ATRN: variants seen among roughly 807,000 people sequenced by gnomAD.
The protein encoded by ATRN is attractin-2.
In ATRN, 54 loss-of-function variants were observed where a neutral mutation model predicts 178.7. The observed-to-expected ratio is 0.30, with a 90% confidence interval of 0.24 to 0.38. The LOEUF is 0.38. ATRN is among the 10% of genes least tolerant of loss of function. The pLI is 1.00. For synonymous variants in ATRN, 636 were observed against 663.0 expected, an observed-to-expected ratio of 0.96 and a Z score of 0.63; for missense variants, 1,443 against 1,815.1, an observed-to-expected ratio of 0.79 and a Z score of 3.73.
At chr20:3,631,690 G>A (rs1401418996) in intron 25 of ATRN, among the ~76,000 whole-genome samples, 1 of 152,192 alleles carries the variant, frequency 6.6e-6, no homozygotes, top group Admixed American at 6.5e-5. Context: ...GGCACAGACT[G>A]TATTACGGGT....
At chr20:3,606,104 C>T (rs775204331) in intron 24 of ATRN, among the ~76,000 whole-genome samples, 21 of 152,154 alleles carry the variant, frequency 1.4e-4, no homozygotes, top group Non-Finnish European at 2.6e-4. Flanking sequence ...TCTCCCTTTG[C>T]CCTCGCATAC....
intron 9 of ATRN, 143 bp from the exon 10 acceptor site, chr20:3,563,066 C>T: frequency 2.9e-6 from 2 of 689,304 alleles, no homozygotes; most frequent in Non-Finnish European, 4.4e-6. Context: ...TGTTGAAAAA[C>T]TTACTTTTAT....
chr20:3,479,110 G>A (rs947335666), intron 1 of ATRN, among the ~76,000 whole-genome samples: 10 of 151,814 alleles, frequency 6.6e-5, no homozygotes, highest in African/African-American at 1.5e-4. Flanking sequence ...AGGCCAATCT[G>A]GAACTCCTGT....
Position 3,507,350 on chromosome 20 carries a change from GGT to G in ATRN, c.411-27901_411-27900del, listed in dbSNP as rs770530679. On this transcript the variant is annotated intron_variant, in intron 1 of 28. Transcript: ENST00000262919. ...TTTAAACCCGGGAGGCGGAGGATGC[GGT>G]GAACCGAGATCGCGCCACTGCACTC... Among the ~76,000 whole-genome samples the G allele has an allele frequency of 2.2e-3, 329 of 151,412 alleles. 4 individuals are homozygous for G. Among genetic ancestry groups the G allele is most frequent in the Non-Finnish European group, 2.4e-3 (161 of 67,860 alleles).
At chr20:3,506,697 T>C (rs544114914) in intron 1 of ATRN, among the ~76,000 whole-genome samples, 1 of 150,860 alleles carries the variant, frequency 6.6e-6, no homozygotes, top group South Asian at 2.1e-4. Context: ...GAAAAGGCCA[T>C]TAGTGGACAC....
intron 1 of ATRN, among the ~76,000 whole-genome samples, chr20:3,531,485 A>G (rs1374815639): frequency 6.6e-6 from 1 of 152,202 alleles, no homozygotes; most frequent in Non-Finnish European, 1.5e-5. Context: ...TCAACTGAAA[A>G]CAAAATGAAC....
intron 1 of ATRN, among the ~76,000 whole-genome samples, chr20:3,489,153 GTT>G (rs1446649637): frequency 6.6e-6 from 1 of 152,128 alleles, no homozygotes; most frequent in Non-Finnish European, 1.5e-5. Flanking sequence ...TAGAGATGGG[GTT>G]TCACCATGTT....
intron 25 of ATRN, among the ~76,000 whole-genome samples, chr20:3,630,155 A>G (rs1283538313): frequency 1.3e-5 from 2 of 152,128 alleles, no homozygotes; most frequent in East Asian, 3.8e-4. Flanking sequence ...TCATTAGCAC[A>G]CAAAAGACAC....
intron 22 of ATRN, 142 bp downstream of exon 22, chr20:3,598,142 G>C (rs1167000259): frequency 3.5e-6 from 2 of 578,472 alleles, no homozygotes; most frequent in Non-Finnish European, 6.2e-6. Context: ...GGAAAGAAAT[G>C]TTAGACTCTA....
chr20:3,624,060 G>T (rs554957276), intron 24 of ATRN, among the ~76,000 whole-genome samples: 1 of 152,314 alleles, frequency 6.6e-6, no homozygotes, highest in Admixed American at 6.5e-5. Flanking sequence ...TTTGTAAAAA[G>T]GACAATATCT....
At chr20:3,558,674 A>T (rs534764746) in intron 6 of ATRN, among the ~76,000 whole-genome samples, 9 of 150,112 alleles carry the variant, frequency 6.0e-5, no homozygotes, top group Middle Eastern at 4.2e-3. Flanking sequence ...GGCATCTTTT[A>T]AAAAAAACTT....
At chr20:3,508,388 T>A (rs974080173) in intron 1 of ATRN, among the ~76,000 whole-genome samples, 1 of 152,164 alleles carries the variant, frequency 6.6e-6, no homozygotes, top group African/African-American at 2.4e-5. Context: ...CTTAGACTCC[T>A]GGGCCATGTA....
At position 3,477,195 on chromosome 20, in the gene ATRN, G is replaced by A. The variant is rs1190570942; in HGVS notation, c.410+5678G>A. Among the ~76,000 whole-genome samples, 2 of 104,572 alleles carry A rather than the reference G, an allele frequency of 1.9e-5. 1 individual carries two copies. Among genetic ancestry groups the A allele is most frequent in the African/African-American group, 9.1e-5 (2 of 22,018 alleles). 68.6% of individuals were successfully genotyped at this position (104,572 alleles called of 152,430 possible). A position where few individuals can be genotyped will look rare whatever the true frequency, so the allele number is the denominator to read the frequency against. ...AGTTCCATGAGGGCAGGGGCCCAGA[G>A]CATAGTTCACAAGTCCAGTTTAGGC... On this transcript the variant is annotated intron_variant, in intron 1 of 28. Transcript: ENST00000262919.
At chr20:3,561,938 G>A (rs1186922572) in intron 8 of ATRN, among the ~76,000 whole-genome samples, 1 of 152,080 alleles carries the variant, frequency 6.6e-6, no homozygotes, top group Non-Finnish European at 1.5e-5. Flanking sequence ...TGTTGCCCAG[G>A]CTGGCCAACA....
chr20:3,544,940 C>T (rs187238961), intron 3 of ATRN, among the ~76,000 whole-genome samples: 5 of 151,410 alleles, frequency 3.3e-5, no homozygotes, highest in East Asian at 1.9e-4. Context: ...ATAGAAAATG[C>T]GTTAAGTTTT....
rs910405820 is a variant in ATRN, at chr20:3,638,208, C to T, written c.3943-620C>T. The stretch of plus-strand genomic sequence containing the variant: ...GTATACATGTGCCGTGGTGGTTTGC[C>T]GCACCTATCAGCCTGTTATCTAGGT... On this transcript the variant is annotated intron_variant, in intron 26 of 28. Transcript: ENST00000262919. This position sits in a 1 kb window ranked among gnomAD's most constrained non-coding sequence, Gnocchi z 4.5. Among the ~76,000 whole-genome samples the T allele has an allele frequency of 1.3e-5, 2 of 152,010 alleles. No individual in the cohort carries two copies. The highest frequency in any genetic ancestry group is 2.9e-5 in the Non-Finnish European group (2 of 68,004).
rs763072583 is a variant in ATRN at position 3,549,321 on chromosome 20, T to C, written c.1095T>C (p.Asp365=). The C allele has an allele frequency of 1.3e-5, 20 of 1,591,744 alleles. No homozygotes were observed. Among genetic ancestry groups the C allele is most frequent in the Non-Finnish European group, 1.7e-5 (20 of 1,173,136 alleles). Residue 365 remains aspartate (D), a synonymous_variant, in exon 6 of 29, where the codon GAT becomes GAC. Coordinates refer to ENST00000262919, the MANE Select transcript of ATRN (RefSeq NM_139321.3). The stretch of plus-strand genomic sequence containing the variant: ...GAGGATATATGTTCAACCACTCAGA[T>C]TATAACATGGTTCTAGCGTAAGTCG... ...VVGGYMFNHS[D]YNMVLAYDLA...
rs533545449 is a variant in ATRN, at chr20:3,556,303, C to G, written c.1113-3090C>G. Among the ~76,000 whole-genome samples, 5 of 152,276 alleles carry G rather than the reference C, an allele frequency of 3.3e-5. No individual in the cohort carries two copies. In the East Asian group the frequency reaches 5.8e-4, roughly 18 times the overall value. ...TCTTCATGACAAAACCTGATTTGAT[C>G]AAGTTATTGAGCTTTTTGTGCTTGG... On this transcript the variant is annotated intron_variant, in intron 6 of 28. Transcript: ENST00000262919.
intron 2 of ATRN, among the ~76,000 whole-genome samples, chr20:3,537,107 A>G (rs543459859): frequency 6.6e-6 from 1 of 152,342 alleles, no homozygotes; most frequent in Non-Finnish European, 1.5e-5. Flanking sequence ...TATTTATTCC[A>G]TTACATAATA....
Sources: gnomAD v4.1 joint callset for allele counts (sites outside exome capture counted in the v4.1 genomes callset) on GRCh38, gnomAD v4.1.1 for gene constraint, Gnocchi (gnomAD v3.1) non-coding constraint, MANE v1.5 for transcripts, NCBI Gene and HGNC (gene_info 2026-07-23, HGNC 2026-07-21) for gene names.